Variants in ANKRD6 observed in about 807,000 individuals in gnomAD.
The protein encoded by ANKRD6 is ankyrin repeat domain-containing protein 6.
In ANKRD6, 56 loss-of-function variants were observed where a neutral mutation model predicts 82.3. The ratio of observed to expected loss-of-function variants is 0.68; its 90% CI spans 0.55 to 0.85. The LOEUF (loss-of-function observed/expected upper bound fraction) is 0.85, where lower values mean the gene tolerates loss of function less well. Ranked by LOEUF, ANKRD6 falls within the 40% of genes least tolerant of loss-of-function variation. ANKRD6 has a pLI of 0.00. For missense variants in ANKRD6, 852 were observed against 907.6 expected (o/e 0.94, Z 0.79); for synonymous variants, 347 against 352.1 (o/e 0.99, Z 0.16).
intron 1 of ANKRD6, among the ~76,000 whole-genome samples, chr6:89,527,410 A>G (rs927239597): frequency 3.3e-5 from 5 of 152,094 alleles, no homozygotes; most frequent in Admixed American, 2.6e-4. Flanking sequence ...CCTGGCCAAC[A>G]TGGTGAAACT....
intron 1 of ANKRD6, among the ~76,000 whole-genome samples, chr6:89,495,399 C>T (rs960459060): frequency 6.6e-6 from 1 of 152,200 alleles, no homozygotes; most frequent in Non-Finnish European, 1.5e-5. Flanking sequence ...AGGAATCTGT[C>T]TGCCCTCAGA....
intron 1 of ANKRD6, among the ~76,000 whole-genome samples, chr6:89,564,123 G>A (rs1030784408): frequency 1.3e-5 from 2 of 152,178 alleles, no homozygotes; most frequent in African/African-American, 4.8e-5. Context: ...TAGGGATGGT[G>A]TTGGCAACAG....
At chr6:89,460,291 A>G (rs1331624480) in intron 1 of ANKRD6, among the ~76,000 whole-genome samples, 4 of 151,840 alleles carry the variant, frequency 2.6e-5, no homozygotes, top group Admixed American at 6.6e-5. Context: ...TAATTTTCCA[A>G]TTCTCCTAGA....
At chr6:89,518,085 C>A (rs1156858084) in intron 1 of ANKRD6, among the ~76,000 whole-genome samples, 2 of 152,150 alleles carry the variant, frequency 1.3e-5, no homozygotes, top group Non-Finnish European at 2.9e-5. Context: ...TAGTGGGAAA[C>A]AGACAACCAA....
At chr6:89,629,513 A>T in intron 15 of ANKRD6, 1 of 433,078 alleles carries the variant, frequency 2.3e-6, no homozygotes, top group South Asian at 2.0e-5. Context: ...CAGTGTTGAT[A>T]GTATCAGAGT....
chr6:89,471,258 A>G (rs947747190), intron 1 of ANKRD6, among the ~76,000 whole-genome samples: 3 of 151,498 alleles, frequency 2.0e-5, no homozygotes, highest in Admixed American at 6.6e-5. Flanking sequence ...AGGCTGAGGC[A>G]GGAGAATCGC....
chr6:89,630,552 C>T lies in ANKRD6; in HGVS notation c.1732C>T (p.Leu578=), dbSNP rs765419295. The change falls in exon 16 of 16, where the codon CTG becomes TTG. Residue 578 remains leucine (L), a synonymous_variant. Coordinates refer to ENST00000339746, the MANE Select transcript of ANKRD6 (RefSeq NM_001242809.2). ...TGCTACCCAGAGACTCCAGCAGGAGCTGTCGTCTTCTGACTGTACAGGCTC... is the reference window on the plus strand; with the variant it reads ...TGCTACCCAGAGACTCCAGCAGGAGTTGTCGTCTTCTGACTGTACAGGCTC... The part of the protein sequence containing the change: ...STATQRLQQE[L]SSSDCTGSRL... 3.1e-6 allele frequency: 5 copies of T among 1,613,976 alleles called. No homozygotes were observed. The Admixed American group carries it at 8.3e-5, about 27-fold the overall frequency.
At chr6:89,528,199 GTTTGATAGC>G (rs1484971379) in intron 1 of ANKRD6, among the ~76,000 whole-genome samples, 1 of 152,232 alleles carries the variant, frequency 6.6e-6, no homozygotes, top group East Asian at 1.9e-4. Flanking sequence ...ATGTGATGCT[GTTTGATAGC>G]ACTTTACTCA....
At chr6:89,511,486 T>TGC (rs2127940541) in intron 1 of ANKRD6, among the ~76,000 whole-genome samples, 1 of 152,344 alleles carries the variant, frequency 6.6e-6, no homozygotes, top group South Asian at 2.1e-4. Flanking sequence ...AAAGGCATAG[T>TGC]CTGTGGGGTC....
chr6:89,563,863 T>C (rs1188659882), intron 1 of ANKRD6, among the ~76,000 whole-genome samples: 2 of 152,108 alleles, frequency 1.3e-5, no homozygotes, highest in Non-Finnish European at 2.9e-5. Context: ...TTAGGAACAG[T>C]GACCATGAGG....
At chr6:89,546,040 C>T (rs937425074) in intron 1 of ANKRD6, among the ~76,000 whole-genome samples, 3 of 152,272 alleles carry the variant, frequency 2.0e-5, no homozygotes, top group Non-Finnish European at 4.4e-5. Flanking sequence ...ATCTCCTGAC[C>T]TCATGATCTG....
intron 1 of ANKRD6, among the ~76,000 whole-genome samples, chr6:89,507,188 A>G (rs1043641818): frequency 6.6e-6 from 1 of 152,240 alleles, no homozygotes; most frequent in South Asian, 2.1e-4. Flanking sequence ...TTTGAAGAAA[A>G]TAATGGGTCT....
chr6:89,599,010 T>TATCAATAAAATGAGAGAATTAGAC (rs960938090), intron 3 of ANKRD6, among the ~76,000 whole-genome samples: 6 of 152,102 alleles, frequency 3.9e-5, no homozygotes, highest in African/African-American at 7.2e-5. Flanking sequence ...GTCCTAGGCT[T>TATCAATAAAATGAGAGAATTAGAC]ATCAATAAAA....
chr6:89,633,166 G>C lies in ANKRD6; in HGVS notation c.*2162G>C, dbSNP rs1807727920. The C allele has an allele frequency of 6.6e-6, 1 of 152,106 alleles. No homozygotes were observed. Among genetic ancestry groups the C allele is most frequent in the African/African-American group, 2.4e-5 (1 of 41,400 alleles). 9.4% of individuals were successfully genotyped at this position (152,106 alleles called of 1,614,324 possible). A position where few individuals can be genotyped will look rare whatever the true frequency, so the allele number is the denominator to read the frequency against. On this transcript the variant is annotated 3_prime_UTR_variant, in exon 16 of 16. Transcript: ENST00000339746. ...AGAAGGGTCAAAAGGACCTAGTGTG[G>C]CTTACTACATGGATCTTGTCTCTTG...
intron 2 of ANKRD6, among the ~76,000 whole-genome samples, chr6:89,591,007 C>T (rs79217754): frequency 6.6e-6 from 1 of 152,154 alleles, no homozygotes; most frequent in South Asian, 2.1e-4. Flanking sequence ...TCGCTGGGCT[C>T]ACCAGGGCCT....
At chr6:89,486,711 C>T (rs950416003) in intron 1 of ANKRD6, among the ~76,000 whole-genome samples, 1 of 152,160 alleles carries the variant, frequency 6.6e-6, no homozygotes, top group East Asian at 1.9e-4. Flanking sequence ...CGGGCTCAAG[C>T]GATCTCTTTC....
At chr6:89,462,663 T>C (rs1191542006) in intron 1 of ANKRD6, among the ~76,000 whole-genome samples, 1 of 152,190 alleles carries the variant, frequency 6.6e-6, no homozygotes, top group Non-Finnish European at 1.5e-5. Context: ...ATTTAATATA[T>C]TGCATTTTGT....
chr6:89,610,087 G>A (rs1222549202), intron 5 of ANKRD6, among the ~76,000 whole-genome samples: 4 of 152,102 alleles, frequency 2.6e-5, no homozygotes, highest in East Asian at 1.9e-4. Flanking sequence ...GGGGAAAAAC[G>A]CCTGCTACAT....
At chr6:89,579,067 T>C (rs1341998300) in intron 2 of ANKRD6, among the ~76,000 whole-genome samples, 3 of 152,188 alleles carry the variant, frequency 2.0e-5, no homozygotes, top group African/African-American at 4.8e-5. Flanking sequence ...CAGAGTTTTA[T>C]AGCAAGTTCA....
Sources: gnomAD v4.1 joint callset for allele counts (sites outside exome capture counted in the v4.1 genomes callset) on GRCh38, gnomAD v4.1.1 for gene constraint, MANE v1.5 for transcripts, NCBI Gene and HGNC (gene_info 2026-07-23, HGNC 2026-07-21) for gene names.